Variants in HS3ST4 observed in about 807,000 individuals in gnomAD.
HS3ST4 encodes heparan sulfate-glucosamine 3-sulfotransferase 4.
HS3ST4 carries 17 observed loss-of-function variants against 29.2 expected under a neutral mutation model. That is an observed-to-expected ratio of 0.58 (90% CI 0.40 to 0.87). The LOEUF (loss-of-function observed/expected upper bound fraction) is 0.87. Ranked by LOEUF, HS3ST4 falls within the 40% of genes least tolerant of loss-of-function variation. HS3ST4 has a pLI of 0.00. For missense variants in HS3ST4, 627 were observed against 634.5 expected (o/e 0.99, Z 0.13); for synonymous variants, 314 against 285.7 (o/e 1.10, Z -1.00).
chr16:26,096,652 A>G (rs907615965), intron 1 of HS3ST4, among the ~76,000 whole-genome samples: 14 of 152,234 alleles, frequency 9.2e-5, no homozygotes, highest in Non-Finnish European at 2.1e-4. Flanking sequence ...CAGAATGGGC[A>G]AAAACTAGAA....
rs535805694 is a variant in HS3ST4 at position 25,849,967 on chromosome 16, A to G, written c.734+156816A>G. Among the ~76,000 whole-genome samples the G allele has an allele frequency of 2.8e-5, 4 of 145,382 alleles. No homozygotes were observed. In the East Asian group the frequency reaches 8.1e-4, roughly 30 times the overall value. ...TTTTTGGATTACTTTGTTTTGTTTT[A>G]TGTCGTATAATGAAAATATAGATGC... On this transcript the variant is annotated intron_variant, in intron 1 of 1. Coordinates refer to ENST00000331351, the MANE Select transcript of HS3ST4 (RefSeq NM_006040.3).
chr16:25,850,633 C>T (rs1967510454), intron 1 of HS3ST4, among the ~76,000 whole-genome samples: 1 of 152,162 alleles, frequency 6.6e-6, no homozygotes, highest in South Asian at 2.1e-4. Flanking sequence ...ACAGCTCTCC[C>T]CAAAACAATT....
At chr16:25,913,327 C>T (rs1453939784) in intron 1 of HS3ST4, among the ~76,000 whole-genome samples, 1 of 152,256 alleles carries the variant, frequency 6.6e-6, no homozygotes, top group East Asian at 1.9e-4. Flanking sequence ...GCAGAGCCCC[C>T]ATGAATGGGA....
rs554732014 is a variant in HS3ST4, at chr16:25,762,570, G to A, written c.734+69419G>A. The stretch of plus-strand genomic sequence containing the variant: ...AAGCTGACTGAAAATGCCAAACGTG[G>A]CCAGGCATGGTGGCTCACACCTGCA... On this transcript the variant is annotated intron_variant, in intron 1 of 1. Transcript: ENST00000331351. Among the ~76,000 whole-genome samples, 5 of 152,142 alleles carry A rather than the reference G, an allele frequency of 3.3e-5. No individual in the cohort carries two copies. The South Asian group carries it at 6.2e-4, about 19-fold the overall frequency.
At chr16:25,956,839 A>C (rs1968738585) in intron 1 of HS3ST4, among the ~76,000 whole-genome samples, 1 of 152,034 alleles carries the variant, frequency 6.6e-6, no homozygotes, top group Admixed American at 6.5e-5. Flanking sequence ...TCTACTAAAA[A>C]TACAAAAAAT....
chr16:25,911,447 T>G (rs1968237531), intron 1 of HS3ST4, among the ~76,000 whole-genome samples: 1 of 150,170 alleles, frequency 6.7e-6, no homozygotes, highest in South Asian at 2.1e-4. Flanking sequence ...CCATCTCCCA[T>G]TCCCCAGCAT....
intron 1 of HS3ST4, 112 bp downstream of exon 1, chr16:25,693,263 C>A: frequency 2.5e-6 from 3 of 1,197,432 alleles, no homozygotes; most frequent in East Asian, 3.0e-5. Context: ...GAGGCCCAAG[C>A]CCCCGCGAGG....
At chr16:26,123,488 C>T (rs1899303500) in intron 1 of HS3ST4, among the ~76,000 whole-genome samples, 1 of 152,162 alleles carries the variant, frequency 6.6e-6, no homozygotes, top group Non-Finnish European at 1.5e-5. Context: ...AACGAGAGAC[C>T]TCTCAAACAA....
chr16:26,121,911 A>G (rs1254392973), intron 1 of HS3ST4, among the ~76,000 whole-genome samples: 1 of 152,220 alleles, frequency 6.6e-6, no homozygotes, highest in Non-Finnish European at 1.5e-5. Flanking sequence ...TGGGAACCCC[A>G]GTCAGGGTCA....
In HS3ST4 at chr16:26,039,472, AGT is replaced by A. The variant is rs747110472; in HGVS notation, c.735-96138_735-96137del. On this transcript the variant is annotated intron_variant, in intron 1 of 1. Coordinates refer to ENST00000331351, the MANE Select transcript of HS3ST4 (RefSeq NM_006040.3). ...TTATTTTTATTTTATGTGGGTACATAGTGGGTGTATATATTTGTGGTATGCAT... is the reference window on the plus strand; with the variant it reads ...TTATTTTTATTTTATGTGGGTACATAGGGTGTATATATTTGTGGTATGCAT... Among the ~76,000 whole-genome samples the A allele has an allele frequency of 3.3e-5, 5 of 152,276 alleles. No homozygotes were observed. The South Asian group carries it at 6.2e-4, about 19-fold the overall frequency.
intron 1 of HS3ST4, among the ~76,000 whole-genome samples, chr16:26,086,671 C>T (rs751211594): frequency 3.3e-5 from 5 of 152,158 alleles, no homozygotes; most frequent in Admixed American, 2.0e-4. Flanking sequence ...GTTTTTCAAG[C>T]ACCTAGAACA....
At chr16:25,828,317 T>TTCCTTTCC in intron 1 of HS3ST4, among the ~76,000 whole-genome samples, 1 of 132,108 alleles carries the variant, frequency 7.6e-6, no homozygotes, top group African/African-American at 3.0e-5. Flanking sequence ...TCTCTCTCTC[T>TTCCTTTCC]CTCTCTCTCT....
At position 25,852,547 on chromosome 16, in the gene HS3ST4, ATT is replaced by A. The variant is rs75579101; in HGVS notation, c.734+159404_734+159405del. On this transcript the variant is annotated intron_variant, in intron 1 of 1. Transcript: ENST00000331351. The stretch of plus-strand genomic sequence containing the variant: ...GAATTTCATATGCACATTATTTCCC[ATT>A]TTTTTTTAAATGGGCAATCTTTTTT... 3.4e-5 allele frequency among the ~76,000 whole-genome samples: 5 copies of A among 147,636 alleles called. No homozygotes were observed. The South Asian group carries it at 1.1e-3, about 32-fold the overall frequency.
chr16:25,888,543 T>C (rs1327841005), intron 1 of HS3ST4, among the ~76,000 whole-genome samples: 1 of 152,202 alleles, frequency 6.6e-6, no homozygotes. Flanking sequence ...TGTCTGTCCT[T>C]CCTTGGGCCA....
rs551051544 is a variant in HS3ST4, at chr16:25,897,300, A to G, written c.734+204149A>G. ...AAAGCCCCATCTCCACAAAAAATACACAGATTAGCCAGGCATGGTGGTAAG... is the reference window on the plus strand; with the variant it reads ...AAAGCCCCATCTCCACAAAAAATACGCAGATTAGCCAGGCATGGTGGTAAG... On this transcript the variant is annotated intron_variant, in intron 1 of 1. Transcript: ENST00000331351. Among the ~76,000 whole-genome samples the G allele has an allele frequency of 6.6e-5, 10 of 152,210 alleles. No homozygotes were observed. The East Asian group carries it at 1.2e-3, about 18-fold the overall frequency.
chr16:25,915,616 T>C (rs977808178), intron 1 of HS3ST4, among the ~76,000 whole-genome samples: 1 of 152,232 alleles, frequency 6.6e-6, no homozygotes, highest in African/African-American at 2.4e-5. Flanking sequence ...TGGCTGATTC[T>C]TACATGGCCT....
At chr16:25,722,086 A>G (rs1283985414) in intron 1 of HS3ST4, among the ~76,000 whole-genome samples, 2 of 152,208 alleles carry the variant, frequency 1.3e-5, no homozygotes. Context: ...TAGCCCATTC[A>G]GGAAACTTCC....
chr16:25,794,515 T>C (rs1460549596), intron 1 of HS3ST4, among the ~76,000 whole-genome samples: 2 of 152,110 alleles, frequency 1.3e-5, no homozygotes, highest in Non-Finnish European at 2.9e-5. Context: ...AATTTTAGAC[T>C]GGTGATTATC....
At chr16:26,098,927 G>A (rs940949559) in intron 1 of HS3ST4, among the ~76,000 whole-genome samples, 1 of 152,030 alleles carries the variant, frequency 6.6e-6, no homozygotes, top group Admixed American at 6.6e-5. Context: ...ATACGGTTCA[G>A]GCAAAAGGGT....
Sources: allele counts gnomAD v4.1 joint callset (sites outside exome capture counted in the v4.1 genomes callset), GRCh38; gene constraint gnomAD v4.1.1; transcripts MANE v1.5; gene names NCBI Gene and HGNC (gene_info 2026-07-23, HGNC 2026-07-21).